The following MYBL1 variants were observed in gnomAD, a reference collection of about 807,000 sequenced individuals.
The protein encoded by MYBL1 is MYB proto-oncogene like 1.
In MYBL1, 17 loss-of-function variants were observed where a neutral mutation model predicts 96.3. That is an observed-to-expected ratio of 0.18 (90% CI 0.12 to 0.26). MYBL1 has a LOEUF of 0.26. MYBL1 is among the 10% of genes least tolerant of loss of function. The pLI is 1.00. For synonymous variants in MYBL1, 282 were observed against 292.7 expected, an observed-to-expected ratio of 0.96 and a Z score of 0.37; for missense variants, 701 against 882.9, an observed-to-expected ratio of 0.79 and a Z score of 2.61.
chr8:66,587,239 T>C (rs937033654), intron 8 of MYBL1, among the ~76,000 whole-genome samples: 2 of 152,040 alleles, frequency 1.3e-5, no homozygotes, highest in Non-Finnish European at 2.9e-5. Context: ...AAATGATAAA[T>C]GTTTGAGGTG....
intron 1 of MYBL1, among the ~76,000 whole-genome samples, chr8:66,605,217 AGAGTTC>A (rs1810266190): frequency 6.6e-6 from 1 of 152,210 alleles, no homozygotes; most frequent in African/African-American, 2.4e-5. Flanking sequence ...TTTTGTAGTT[AGAGTTC>A]ATTACAATTC....
rs1586600008 is a variant in MYBL1 at position 66,604,032 on chromosome 8, C to T, written c.21-1509G>A. ...AAGAATAATCAGAGAATTACCACTA[C>T]CCAATATCAAAATACACTGTAGAGA... On this transcript the variant is annotated intron_variant, in intron 1 of 15. Transcript: ENST00000522677. Among the ~76,000 whole-genome samples the T allele has an allele frequency of 5.9e-5, 9 of 151,382 alleles. 1 individual carries two copies. The South Asian group carries it at 1.9e-3, about 32-fold the overall frequency.
rs1809717094 is a variant in MYBL1 at position 66,593,163 on chromosome 8, C to T, written c.719G>A (p.Gly240Asp). The T allele has an allele frequency of 1.3e-6, 2 of 1,587,592 alleles. No homozygotes were observed. Among genetic ancestry groups the T allele is most frequent in the East Asian group, 2.3e-5 (1 of 44,218 alleles). The change falls in exon 7 of 16, where the codon GGC becomes GAC. Residue 240 changes from glycine to aspartate, a missense_variant. Transcript: ENST00000522677. The part of the protein sequence containing the change: ...IPGYQYVSPE[G>D]NCIEHVQPTS... ...AGGCTGAACATGTTCTATACAATTG[C>T]CTTCAGGTGACACATACTGATACCC...
At chr8:66,596,912 C>T (rs1809874009) in intron 5 of MYBL1, among the ~76,000 whole-genome samples, 1 of 152,142 alleles carries the variant, frequency 6.6e-6, no homozygotes, top group Non-Finnish European at 1.5e-5. Flanking sequence ...CCCCAACACA[C>T]TTTCATAGCA....
intron 14 of MYBL1, 30 bp from the exon 15 acceptor site, chr8:66,566,273 A>G: frequency 7.5e-7 from 1 of 1,342,088 alleles, no homozygotes; most frequent in Non-Finnish European, 1.0e-6. Context: ...GAGGAAAATA[A>G]CTAATTCAAA....
chr8:66,577,068 G>A (rs1207754029), intron 9 of MYBL1, among the ~76,000 whole-genome samples: 12 of 151,876 alleles, frequency 7.9e-5, no homozygotes, highest in African/African-American at 2.7e-4. Flanking sequence ...GGTATTGATG[G>A]GACGTATCTC....
chr8:66,580,249 G>T lies in MYBL1; in HGVS notation c.985C>A (p.Pro329Thr), dbSNP rs781379946. 2.5e-6 allele frequency: 4 copies of T among 1,613,708 alleles called. No homozygotes were observed. In the Admixed American group the frequency reaches 6.7e-5, roughly 27 times the overall value. The change falls in exon 9 of 16, where the codon CCT becomes ACT. Residue 329 changes from proline to threonine, a missense_variant. By Grantham distance (38) the Pro-to-Thr change is conservative. This residue lies in a region of MYBL1 where 396 missense variants were observed against 407.4 expected (regional missense o/e 0.97). Transcript: ENST00000522677. ...SEFYSMDENQ[P>T]VSAQQNSPTK... ...GGTGAATTCTGCTGAGCAGACACAGGCTGATTTTCATCCATACTGTAAAAC... is the reference window on the plus strand; with the variant it reads ...GGTGAATTCTGCTGAGCAGACACAGTCTGATTTTCATCCATACTGTAAAAC...
At chr8:66,581,191 T>C (rs1809198112) in intron 8 of MYBL1, among the ~76,000 whole-genome samples, 1 of 152,216 alleles carries the variant, frequency 6.6e-6, no homozygotes, top group Non-Finnish European at 1.5e-5. Flanking sequence ...CACTTTTATC[T>C]GCTTCATTTA....
chr8:66,587,341 TTG>T (rs1809460346), intron 8 of MYBL1, among the ~76,000 whole-genome samples: 1 of 152,128 alleles, frequency 6.6e-6, no homozygotes, highest in Admixed American at 6.5e-5. Context: ...TGTACAATTA[TTG>T]TGTCAATTAA....
At chr8:66,600,724 C>T (rs934540942) in intron 3 of MYBL1, among the ~76,000 whole-genome samples, 3 of 152,132 alleles carry the variant, frequency 2.0e-5, no homozygotes, top group Non-Finnish European at 2.9e-5. Flanking sequence ...CTTTCCATTA[C>T]TTGATCTCAA....
intron 9 of MYBL1, among the ~76,000 whole-genome samples, chr8:66,579,799 T>G (rs1809125930): frequency 6.6e-6 from 1 of 152,134 alleles, no homozygotes; most frequent in Non-Finnish European, 1.5e-5. Context: ...GAACACAGAC[T>G]GAAAGGAATA....
At chr8:66,612,675 A>T in intron 1 of MYBL1, 144 bp downstream of exon 1, 2 of 1,019,284 alleles carry the variant, frequency 2.0e-6, no homozygotes, top group Non-Finnish European at 2.6e-6. Flanking sequence ...CCGGTCATCG[A>T]GGCCAAGCGG....
At chr8:66,597,214 C>CT in intron 5 of MYBL1, 116 bp downstream of exon 5, 1 of 739,660 alleles carries the variant, frequency 1.4e-6, no homozygotes, top group South Asian at 2.7e-5. Context: ...ATATAGTCTA[C>CT]ATTTTAATTA....
At chr8:66,612,721 C>T in intron 1 of MYBL1, 98 bp downstream of exon 1, 1 of 1,283,988 alleles carries the variant, frequency 7.8e-7, no homozygotes, top group Non-Finnish European at 1.0e-6. Context: ...TCTGCCCTCG[C>T]CAGGGAGGGC....
chr8:66,606,079 T>C (rs1380766509), intron 1 of MYBL1, among the ~76,000 whole-genome samples: 2 of 151,830 alleles, frequency 1.3e-5, no homozygotes, highest in African/African-American at 2.4e-5. Flanking sequence ...ACTGGAAAAA[T>C]AGGGGGAAAG....
intron 12 of MYBL1, among the ~76,000 whole-genome samples, chr8:66,570,965 C>T (rs1332213406): frequency 6.6e-6 from 1 of 152,052 alleles, no homozygotes; most frequent in Non-Finnish European, 1.5e-5. Context: ...AACCCTACTA[C>T]GTACCCTTTA....
chr8:66,604,096 A>G (rs538969898), intron 1 of MYBL1, among the ~76,000 whole-genome samples: 21 of 152,318 alleles, frequency 1.4e-4, no homozygotes, highest in African/African-American at 4.8e-4. Flanking sequence ...ACACACACAT[A>G]GATAAATGGA....
chr8:66,581,611 G>A (rs1028821984), intron 8 of MYBL1, among the ~76,000 whole-genome samples: 1 of 152,154 alleles, frequency 6.6e-6, no homozygotes, highest in African/African-American at 2.4e-5. Context: ...AGGAAGTCAA[G>A]GCTGCAGCAA....
chr8:66,568,326 T>G (rs1310008793), intron 12 of MYBL1, among the ~76,000 whole-genome samples: 1 of 152,150 alleles, frequency 6.6e-6, no homozygotes. Flanking sequence ...TCACCCAGGC[T>G]GGAGTGTAGT....
Sources: gnomAD v4.1 joint callset for allele counts (sites outside exome capture counted in the v4.1 genomes callset) on GRCh38, gnomAD v4.1.1 for gene constraint, gnomAD v4.1.1 regional missense constraint, MANE v1.5 for transcripts, NCBI Gene and HGNC (gene_info 2026-07-23, HGNC 2026-07-21) for gene names.